MTTP: variants seen among roughly 807,000 people sequenced by gnomAD.
MTTP encodes microsomal triglyceride transfer protein large subunit.
A neutral mutation model predicts 90.6 loss-of-function variants in MTTP; 49 were observed. The ratio of observed to expected loss-of-function variants is 0.54; its 90% CI spans 0.43 to 0.69. MTTP has a LOEUF of 0.69. Among genes scored for constraint, MTTP ranks in the 30% least tolerant of loss-of-function variants. The pLI is 0.00. For missense variants in MTTP, 945 were observed against 1,067.5 expected (o/e 0.89, Z 1.60); for synonymous variants, 347 against 384.2 (o/e 0.90, Z 1.13).
upstream of MTTP, chr4:99,574,684 TGA>T: frequency 2.1e-6 from 2 of 960,844 alleles, no homozygotes; most frequent in Non-Finnish European, 3.2e-6. Context: ...TTAAAAAGAG[TGA>T]GAGACTGAAA....
chr4:99,583,592 A>C (rs2110212830), intron 3 of MTTP, 75 bp downstream of exon 3: 1 of 1,537,276 alleles, frequency 6.5e-7, no homozygotes, highest in East Asian at 2.2e-5. Context: ...TATTATTTTG[A>C]GGTAATCACA....
chr4:99,587,058 T>C (rs1005059955), intron 3 of MTTP, among the ~76,000 whole-genome samples: 1 of 152,222 alleles, frequency 6.6e-6, no homozygotes, highest in Non-Finnish European at 1.5e-5. Context: ...GGCCTGAGTA[T>C]AATAAAACTT....
In MTTP at chr4:99,606,881, C is replaced by T. The variant is rs1725830151; in HGVS notation, c.1478C>T (p.Ala493Val). The change falls in exon 11 of 18, where the codon GCA becomes GTA. Residue 493 changes from alanine to valine, a missense_variant. Physicochemically the swap from Ala to Val is moderately conservative, Grantham distance 64. Transcript: ENST00000265517. The stretch of plus-strand genomic sequence containing the variant: ...GGCATCCCAAGTCTTCTGAAGTATG[C>T]AGAAGCAGGAGAAGGGCCCATCAGC... ...PEGIPSLLKY[A>V]EAGEGPISHL... 5 of 1,613,830 alleles carry T rather than the reference C, an allele frequency of 3.1e-6. No homozygotes were observed. Among genetic ancestry groups the T allele is most frequent in the Non-Finnish European group, 4.2e-6 (5 of 1,179,976 alleles).
rs371247061 is a variant in MTTP, at chr4:99,622,227, C to T, written c.2514-450C>T. On this transcript the variant is annotated intron_variant, in intron 17 of 17. Transcript: ENST00000265517. ...TTGAAATGCAGTGACCACCAACCCA[C>T]CCACATGATTAATTGGTTTGGTTCC... Among the ~76,000 whole-genome samples the T allele has an allele frequency of 1.2e-3, 178 of 152,302 alleles. 5 individuals are homozygous for T. In the South Asian group the frequency reaches 0.036, roughly 31 times the overall value.
chr4:99,610,005 T>G (rs888600018), intron 12 of MTTP, among the ~76,000 whole-genome samples: 1 of 152,112 alleles, frequency 6.6e-6, no homozygotes, highest in Non-Finnish European at 1.5e-5. Flanking sequence ...GAGAACAGAC[T>G]AGAAATTGTG....
At chr4:99,607,986 G>A (rs560965298) in intron 11 of MTTP, among the ~76,000 whole-genome samples, 2 of 152,148 alleles carry the variant, frequency 1.3e-5, no homozygotes, top group South Asian at 2.1e-4. Flanking sequence ...AAAAAAGAGA[G>A]ATGGGAAGAT....
chr4:99,576,310 T>C (rs1724955777), intron 1 of MTTP, among the ~76,000 whole-genome samples: 1 of 152,116 alleles, frequency 6.6e-6, no homozygotes, highest in Non-Finnish European at 1.5e-5. Context: ...TTGAGAAAAA[T>C]AATTGAGACA....
At chr4:99,622,278 A>G (rs1578259031) in intron 17 of MTTP, among the ~76,000 whole-genome samples, 1 of 152,162 alleles carries the variant, frequency 6.6e-6, no homozygotes, top group South Asian at 2.1e-4. Flanking sequence ...CAGAGCTCTT[A>G]GAATGTTTCT....
At chr4:99,579,512 T>C (rs140924388) in intron 1 of MTTP, among the ~76,000 whole-genome samples, 1 of 152,278 alleles carries the variant, frequency 6.6e-6, no homozygotes, top group African/African-American at 2.4e-5. Flanking sequence ...TCCATGTAGC[T>C]CACCGAAAAC....
intron 9 of MTTP, 108 bp downstream of exon 9, chr4:99,600,841 T>G: frequency 1.9e-6 from 2 of 1,043,296 alleles, no homozygotes. Context: ...AACTAGAGAC[T>G]TCTGAGTATT....
At chr4:99,613,937 T>C (rs571672813) in intron 15 of MTTP, among the ~76,000 whole-genome samples, 9 of 152,304 alleles carry the variant, frequency 5.9e-5, no homozygotes, top group African/African-American at 2.2e-4. Context: ...TTTTCTTTAA[T>C]AGTTTGATTT....
At chr4:99,596,266 G>C (rs751937642) in intron 7 of MTTP, among the ~76,000 whole-genome samples, 1 of 152,112 alleles carries the variant, frequency 6.6e-6, no homozygotes, top group Non-Finnish European at 1.5e-5. Flanking sequence ...TAGAGTTAGA[G>C]AGTTAGTAGT....
chr4:99,574,679 AAG>A (rs1447897989), upstream of MTTP: 2 of 931,344 alleles, frequency 2.1e-6, no homozygotes, highest in Non-Finnish European at 3.3e-6. Flanking sequence ...AAAAATTAAA[AAG>A]AGTGAGAGAC....
intron 3 of MTTP, among the ~76,000 whole-genome samples, chr4:99,584,945 G>A (rs1220655466): frequency 1.3e-5 from 2 of 151,940 alleles, no homozygotes; most frequent in African/African-American, 4.8e-5. Context: ...AAACCCCTGG[G>A]CCTATTTCTG....
intron 1 of MTTP, among the ~76,000 whole-genome samples, chr4:99,576,619 C>T (rs1258543867): frequency 2.3e-5 from 3 of 131,642 alleles, no homozygotes; most frequent in East Asian, 2.3e-4. Context: ...GGCGTGAACC[C>T]GGGAGGCGGA....
At chr4:99,590,001 A>G (rs1725375574) in intron 4 of MTTP, among the ~76,000 whole-genome samples, 1 of 152,210 alleles carries the variant, frequency 6.6e-6, no homozygotes, top group Non-Finnish European at 1.5e-5. Context: ...GTTCCCAGAT[A>G]TCACTGTGCA....
At chr4:99,607,681 T>C (rs1427076237) in intron 11 of MTTP, among the ~76,000 whole-genome samples, 1 of 152,234 alleles carries the variant, frequency 6.6e-6, no homozygotes, top group African/African-American at 2.4e-5. Context: ...CATTAGGCAG[T>C]TCTAATAATC....
At chr4:99,610,567 A>G (rs1055227098) in intron 12 of MTTP, among the ~76,000 whole-genome samples, 3 of 152,214 alleles carry the variant, frequency 2.0e-5, no homozygotes, top group Admixed American at 2.0e-4. Flanking sequence ...GAACATCTTA[A>G]CACTAATTAC....
intron 1 of MTTP, among the ~76,000 whole-genome samples, chr4:99,576,523 G>A (rs550284972): frequency 6.6e-6 from 1 of 150,988 alleles, no homozygotes; most frequent in East Asian, 1.9e-4. Flanking sequence ...GTGAAACCCC[G>A]TCTCTACTAA....
Sources: gnomAD v4.1 joint callset for allele counts (sites outside exome capture counted in the v4.1 genomes callset) on GRCh38, gnomAD v4.1.1 for gene constraint, MANE v1.5 for transcripts, NCBI Gene and HGNC (gene_info 2026-07-23, HGNC 2026-07-21) for gene names.